The following ITPK1 variants were observed in gnomAD, a reference collection of about 807,000 sequenced individuals.
ITPK1 encodes inositol-tetrakisphosphate 1-kinase.
A neutral mutation model predicts 45.3 loss-of-function variants in ITPK1; 21 were observed. The observed-to-expected ratio is 0.46, with a 90% confidence interval of 0.33 to 0.67. The LOEUF is 0.67. Among genes scored for constraint, ITPK1 ranks in the 30% least tolerant of loss-of-function variants. ITPK1 has a pLI of 0.02. For synonymous variants in ITPK1, 258 were observed against 253.6 expected, an observed-to-expected ratio of 1.02 and a Z score of -0.16; for missense variants, 474 against 573.5, an observed-to-expected ratio of 0.83 and a Z score of 1.77.
chr14:93,004,235 C>T (rs777162754), intron 4 of ITPK1, among the ~76,000 whole-genome samples: 2 of 152,192 alleles, frequency 1.3e-5, no homozygotes, highest in Non-Finnish European at 2.9e-5. Context: ...TGTGCATTGG[C>T]GACAGGCACC....
At chr14:93,024,415 A>G (rs1271576286) in intron 3 of ITPK1, among the ~76,000 whole-genome samples, 4 of 152,186 alleles carry the variant, frequency 2.6e-5, no homozygotes, top group Admixed American at 1.3e-4. Context: ...GAGTGAGGGT[A>G]AAGAAATATC....
intron 3 of ITPK1, among the ~76,000 whole-genome samples, chr14:93,021,176 T>C (rs1888443103): frequency 6.6e-6 from 1 of 151,996 alleles, no homozygotes. Context: ...TCCTCTGCCC[T>C]CTCCATGGAT....
intron 5 of ITPK1, among the ~76,000 whole-genome samples, chr14:92,975,727 T>C (rs1223286355): frequency 1.3e-5 from 2 of 152,210 alleles, no homozygotes; most frequent in African/African-American, 4.8e-5. Context: ...CTGTTCAAGC[T>C]GGGACATCAG....
intron 3 of ITPK1, among the ~76,000 whole-genome samples, chr14:93,052,105 C>T (rs1269074050): frequency 6.6e-6 from 1 of 152,198 alleles, no homozygotes; most frequent in Non-Finnish European, 1.5e-5. Flanking sequence ...GTGGCAGAGT[C>T]CCCAGGCCAA....
rs927756022 is a variant in ITPK1 at position 93,032,909 on chromosome 14, T to A, written c.121-16108A>T. Among the ~76,000 whole-genome samples the A allele has an allele frequency of 1.4e-4, 22 of 152,222 alleles. No individual in the cohort carries two copies. Among genetic ancestry groups the A allele is most frequent in the African/African-American group, 5.1e-4 (21 of 41,466 alleles). Reference sequence around the variant, plus strand: ...ACCCTGCAAAGCCAGCCCTTTTCTCTAGGGGGTGAGCCCTTTAGCAAAGGA... The same window carrying A: ...ACCCTGCAAAGCCAGCCCTTTTCTCAAGGGGGTGAGCCCTTTAGCAAAGGA... On this transcript the variant is annotated intron_variant, in intron 3 of 10. Transcript: ENST00000267615. This position sits in a 1 kb window ranked among gnomAD's most constrained non-coding sequence, Gnocchi z 4.0.
At chr14:92,955,289 T>C (rs1179369910) in intron 8 of ITPK1, among the ~76,000 whole-genome samples, 1 of 152,156 alleles carries the variant, frequency 6.6e-6, no homozygotes, top group Non-Finnish European at 1.5e-5. Flanking sequence ...AATTTGGCCT[T>C]TTGCAAAAAA....
At chr14:93,022,660 C>T (rs887363779) in intron 3 of ITPK1, among the ~76,000 whole-genome samples, 1 of 151,920 alleles carries the variant, frequency 6.6e-6, no homozygotes, top group Admixed American at 6.6e-5. Context: ...TACAAGCGTG[C>T]ACCACCACAC....
Position 93,016,572 on chromosome 14 carries a change from C to T in ITPK1, c.246+104G>A, listed in dbSNP as rs989366686. 3.3e-5 allele frequency: 44 copies of T among 1,318,832 alleles called. No individual in the cohort carries two copies. The highest frequency in any genetic ancestry group is 4.3e-5 in the Non-Finnish European group (41 of 944,166). The allele number at this position is 1,318,832 out of a possible 1,614,324, so 81.7% of individuals were successfully genotyped here. On this transcript the variant is annotated intron_variant, in intron 4 of 10. Transcript: ENST00000267615. This position sits in a 1 kb window ranked among gnomAD's most constrained non-coding sequence, Gnocchi z 5.0. ...GCAGAGCCATTTCTCCAGACTATAC[C>T]TCCAGAGAGCTGCTACCGCCCTAAA... is the stretch of plus-strand genomic sequence containing the variant.
intron 2 of ITPK1, among the ~76,000 whole-genome samples, chr14:93,094,653 A>G (rs1446001162): frequency 6.6e-6 from 1 of 152,182 alleles, no homozygotes; most frequent in Non-Finnish European, 1.5e-5. Flanking sequence ...GCCAGGCCCC[A>G]AGCCGGTGAG....
chr14:93,098,054 C>T (rs759418324), intron 2 of ITPK1, among the ~76,000 whole-genome samples: 2 of 152,046 alleles, frequency 1.3e-5, no homozygotes, highest in Non-Finnish European at 2.9e-5. Context: ...CCAGGTGGCT[C>T]ATGCATATAA....
rs1243658569 is a variant in ITPK1 at position 92,940,785 on chromosome 14, C to T, written c.*776G>A. ...ACAGCACAAATCCTCAGCACAGGCG[C>T]CATCGGCTCGGGCCTCCAGCCAGGC... is the stretch of plus-strand genomic sequence containing the variant. On this transcript the variant is annotated 3_prime_UTR_variant, in exon 11 of 11. Transcript: ENST00000267615. 33 of 1,288,548 alleles carry T rather than the reference C, an allele frequency of 2.6e-5. No homozygotes were observed. Among genetic ancestry groups the T allele is most frequent in the Non-Finnish European group, 3.2e-5 (32 of 988,484 alleles). 79.8% of individuals were successfully genotyped at this position (1,288,548 alleles called of 1,614,324 possible).
At position 93,076,782 on chromosome 14, in the gene ITPK1, A is replaced by G. The variant is rs563089609; in HGVS notation, c.96-163T>C. Among the ~76,000 whole-genome samples the G allele has an allele frequency of 6.6e-6, 1 of 151,030 alleles. No individual in the cohort carries two copies. The highest frequency in any genetic ancestry group is 2.4e-5 in the African/African-American group (1 of 41,014). On this transcript the variant is annotated intron_variant, in intron 2 of 10. Transcript: ENST00000267615. The surrounding 1 kb of genome is among the most constrained non-coding windows in gnomAD (Gnocchi z 4.3). The stretch of plus-strand genomic sequence containing the variant: ...CTGTCCCAGAACAGCCATGCCTTCC[A>G]CTCCCAGCCACTCCTCAAACCACCT...
intron 3 of ITPK1, among the ~76,000 whole-genome samples, chr14:93,026,753 G>A (rs1025412519): frequency 3.3e-5 from 5 of 151,936 alleles, no homozygotes; most frequent in African/African-American, 9.7e-5. Flanking sequence ...TCCATATGGT[G>A]GAAGACCATG....
chr14:93,008,200 C>T (rs1458111995), intron 4 of ITPK1, among the ~76,000 whole-genome samples: 1 of 152,212 alleles, frequency 6.6e-6, no homozygotes, highest in Non-Finnish European at 1.5e-5. Context: ...GTAACAAGGA[C>T]CTCCCTGTTC....
intron 3 of ITPK1, among the ~76,000 whole-genome samples, chr14:93,023,884 C>T (rs533474488): frequency 6.6e-6 from 1 of 152,124 alleles, no homozygotes; most frequent in Non-Finnish European, 1.5e-5. Flanking sequence ...ATGAGTCCCT[C>T]GATCCCGTGC....
At chr14:93,114,994 T>C (rs750479566) in intron 2 of ITPK1, 75 bp downstream of exon 2, 4 of 811,506 alleles carry the variant, frequency 4.9e-6, no homozygotes, top group African/African-American at 1.8e-5. Flanking sequence ...CTAATGAGGC[T>C]GCACCGGGCT....
At chr14:93,110,408 C>A (rs1156575128) in intron 2 of ITPK1, among the ~76,000 whole-genome samples, 1 of 152,192 alleles carries the variant, frequency 6.6e-6, no homozygotes, top group Non-Finnish European at 1.5e-5. Flanking sequence ...TGGAAAAGAT[C>A]CTCCTTCCTC....
At chr14:93,057,818 G>A (rs1276299456) in intron 3 of ITPK1, among the ~76,000 whole-genome samples, 1 of 152,188 alleles carries the variant, frequency 6.6e-6, no homozygotes, top group African/African-American at 2.4e-5. Flanking sequence ...GCACCCTCCT[G>A]GTCATTCTCA....
In ITPK1 at chr14:93,055,759, G is replaced by A. The variant is rs566029899; in HGVS notation, c.120+20836C>T. 2.0e-5 allele frequency among the ~76,000 whole-genome samples: 3 copies of A among 152,284 alleles called. No homozygotes were observed. In the East Asian group the frequency reaches 5.8e-4, roughly 29 times the overall value. On this transcript the variant is annotated intron_variant, in intron 3 of 10. Coordinates refer to ENST00000267615, the MANE Select transcript of ITPK1 (RefSeq NM_014216.6). Reference sequence around the variant, plus strand: ...GCCAGTCAGGCCTCAGGTAGAAACTGAAGGTGCCCAGCGGTCCCTACCACT... The same window carrying A: ...GCCAGTCAGGCCTCAGGTAGAAACTAAAGGTGCCCAGCGGTCCCTACCACT...
Sources: allele counts gnomAD v4.1 joint callset (sites outside exome capture counted in the v4.1 genomes callset), GRCh38; gene constraint gnomAD v4.1.1; non-coding constraint Gnocchi (gnomAD v3.1); transcripts MANE v1.5; gene names NCBI Gene and HGNC (gene_info 2026-07-23, HGNC 2026-07-21).